Variants in CNBD1 observed in about 807,000 individuals in gnomAD.
CNBD1 encodes the protein cyclic nucleotide-binding domain-containing protein 1.
In CNBD1, 71 loss-of-function variants were observed where a neutral mutation model predicts 54.4. The observed-to-expected ratio is 1.30, with a 90% confidence interval of 1.08 to 1.59. The LOEUF is 1.59. Among genes scored for constraint, CNBD1 ranks in the 40% most tolerant of loss-of-function variants. The pLI, the probability that CNBD1 is intolerant of heterozygous loss-of-function variation, is 0.00. For synonymous variants in CNBD1, 182 were observed against 170.7 expected (o/e 1.07, Z -0.51); for missense variants, 659 against 518.0 (o/e 1.27, Z -2.64).
intron 8 of CNBD1, among the ~76,000 whole-genome samples, chr8:87,308,244 C>A (rs766112794): frequency 6.6e-6 from 1 of 152,094 alleles, no homozygotes; most frequent in African/African-American, 2.4e-5. Context: ...AGACCTGCCC[C>A]TAGGAATTGG....
chr8:87,420,971 C>G (rs1807923460), intron 2 of CNBD1, among the ~76,000 whole-genome samples: 1 of 151,824 alleles, frequency 6.6e-6, no homozygotes, highest in Non-Finnish European at 1.5e-5. Context: ...TTATAGAGAC[C>G]TAGGCCAAAC....
intron 6 of CNBD1, among the ~76,000 whole-genome samples, chr8:87,279,726 A>G (rs1808557647): frequency 6.6e-6 from 1 of 151,156 alleles, no homozygotes; most frequent in East Asian, 1.9e-4. Context: ...ATATTTTTAT[A>G]TATATGTATA....
At chr8:87,206,593 T>C (rs1813980979) in intron 5 of CNBD1, among the ~76,000 whole-genome samples, 1 of 152,132 alleles carries the variant, frequency 6.6e-6, no homozygotes, top group African/African-American at 2.4e-5. Context: ...TCAACATGAT[T>C]ATTTGACTAA....
chr8:86,940,676 G>T (rs764266303), intron 4 of CNBD1, among the ~76,000 whole-genome samples: 1 of 152,026 alleles, frequency 6.6e-6, no homozygotes, highest in Non-Finnish European at 1.5e-5. Flanking sequence ...AAACTTGTAA[G>T]CTGAAAAAAT....
At chr8:87,230,483 G>A (rs1259421154) in intron 5 of CNBD1, among the ~76,000 whole-genome samples, 1 of 152,152 alleles carries the variant, frequency 6.6e-6, no homozygotes, top group East Asian at 1.9e-4. Flanking sequence ...GCACTCATAT[G>A]TATGTATGTT....
intron 1 of CNBD1, among the ~76,000 whole-genome samples, chr8:86,874,747 G>A (rs1164641235): frequency 1.3e-5 from 2 of 151,736 alleles, no homozygotes; most frequent in Non-Finnish European, 2.9e-5. Flanking sequence ...GCCACTTCAA[G>A]TTGGTTTGAG....
chr8:87,423,204 A>T (rs1027838557), intron 2 of CNBD1, among the ~76,000 whole-genome samples: 1 of 152,178 alleles, frequency 6.6e-6, no homozygotes, highest in Admixed American at 6.5e-5. Flanking sequence ...CTAGATATAC[A>T]TTCATGTCAT....
chr8:87,161,815 TAAAAC>T (rs370822149), intron 4 of CNBD1, among the ~76,000 whole-genome samples: 99 of 152,268 alleles, frequency 6.5e-4, no homozygotes, highest in African/African-American at 2.2e-3. Flanking sequence ...GTCATATTGT[TAAAAC>T]AGAGTACACA....
At chr8:86,886,919 G>A (rs921043380) in intron 1 of CNBD1, among the ~76,000 whole-genome samples, 7 of 152,056 alleles carry the variant, frequency 4.6e-5, no homozygotes, top group Non-Finnish European at 1.0e-4. Context: ...AAGGATGTCC[G>A]CCCATTCTGG....
At chr8:87,317,454 T>C (rs567358987) in intron 8 of CNBD1, among the ~76,000 whole-genome samples, 88 of 151,912 alleles carry the variant, frequency 5.8e-4, no homozygotes, top group Non-Finnish European at 1.2e-3. Context: ...CTTGAAAATA[T>C]CAATTTTCAA....
chr8:87,384,355 T>C (rs1811143562), downstream of CNBD1, among the ~76,000 whole-genome samples: 1 of 152,104 alleles, frequency 6.6e-6, no homozygotes, highest in Admixed American at 6.6e-5. Flanking sequence ...TCATGAAACT[T>C]ACATTATATT....
intron 4 of CNBD1, among the ~76,000 whole-genome samples, chr8:87,021,123 A>G (rs937323515): frequency 2.6e-5 from 4 of 152,204 alleles, no homozygotes; most frequent in African/African-American, 9.6e-5. Flanking sequence ...GCATCCTAAA[A>G]TACATAAACC....
At chr8:87,342,519 G>C (rs1334274488) in intron 8 of CNBD1, among the ~76,000 whole-genome samples, 1 of 151,710 alleles carries the variant, frequency 6.6e-6, no homozygotes, top group Non-Finnish European at 1.5e-5. Context: ...GTATACATTT[G>C]AGAAAAACTA....
chr8:87,362,752 C>A (rs547821550), intron 10 of CNBD1, among the ~76,000 whole-genome samples: 9 of 152,042 alleles, frequency 5.9e-5, no homozygotes, highest in Non-Finnish European at 1.3e-4. Context: ...AAATTTATAT[C>A]CTTTTAGATA....
intron 4 of CNBD1, among the ~76,000 whole-genome samples, chr8:87,106,891 G>A (rs986081840): frequency 6.6e-5 from 10 of 152,098 alleles, no homozygotes; most frequent in Non-Finnish European, 1.5e-4. Flanking sequence ...GTGCAGTGGT[G>A]TGATCTCGGC....
intron 2 of CNBD1, among the ~76,000 whole-genome samples, chr8:87,401,879 A>G (rs1807572919): frequency 6.6e-6 from 1 of 152,064 alleles, no homozygotes; most frequent in African/African-American, 2.4e-5. Context: ...CCTGAATGAT[A>G]TAAGGGCCCT....
chr8:87,151,205 A>C lies in CNBD1; in HGVS notation c.432-54788A>C, dbSNP rs1812596001. ...AGATGTCATCGTTTTCTGTCCTTTG[A>C]AAATTACCAGGAGCATCCTTTGACC... is the stretch of plus-strand genomic sequence containing the variant. On this transcript the variant is annotated intron_variant, in intron 4 of 10. Coordinates refer to ENST00000518476, the MANE Select transcript of CNBD1 (RefSeq NM_173538.3). Among the ~76,000 whole-genome samples, 3 of 152,290 alleles carry C rather than the reference A, an allele frequency of 2.0e-5. No homozygotes were observed. In the South Asian group the frequency reaches 6.2e-4, roughly 32 times the overall value.
intron 6 of CNBD1, among the ~76,000 whole-genome samples, chr8:87,281,273 C>A (rs2130866764): frequency 6.6e-6 from 1 of 151,162 alleles, no homozygotes; most frequent in South Asian, 2.1e-4. Context: ...GTAATACATA[C>A]TTTCTATGGC....
intron 4 of CNBD1, among the ~76,000 whole-genome samples, chr8:87,105,536 T>C (rs1443601735): frequency 2.6e-5 from 4 of 152,208 alleles, no homozygotes; most frequent in Non-Finnish European, 5.9e-5. Context: ...CACAGCTTTT[T>C]CAGCCCTTGA....
Sources: allele counts gnomAD v4.1 joint callset (sites outside exome capture counted in the v4.1 genomes callset), GRCh38; gene constraint gnomAD v4.1.1; transcripts MANE v1.5; gene names NCBI Gene and HGNC (gene_info 2026-07-23, HGNC 2026-07-21).